GFPT1: variants seen among roughly 807,000 people sequenced by gnomAD.
GFPT1 encodes glutamine--fructose-6-phosphate transaminase 1.
In GFPT1, 40 loss-of-function variants were observed where a neutral mutation model predicts 92.0. The observed-to-expected ratio is 0.43, with a 90% confidence interval of 0.34 to 0.57. GFPT1 has a LOEUF of 0.57. Ranked by LOEUF, GFPT1 falls within the 20% of genes least tolerant of loss-of-function variation. The pLI, the probability that GFPT1 is intolerant of heterozygous loss-of-function variation, is 0.02. For synonymous variants in GFPT1, 269 were observed against 280.6 expected (o/e 0.96, Z 0.41); for missense variants, 448 against 869.1 (o/e 0.52, Z 6.09).
In GFPT1 at chr2:69,322,392, A is replaced by G. The variant is rs939398044; in HGVS notation, c.*3797T>C. 2 of 152,080 alleles carry G rather than the reference A, an allele frequency of 1.3e-5. No homozygotes were observed. Among genetic ancestry groups the G allele is most frequent in the Admixed American group, 1.3e-4 (2 of 15,274 alleles). 9.4% of individuals were successfully genotyped at this position (152,080 alleles called of 1,614,324 possible). ...GCTATGGTATATGCTAATTTTTTTA[A>G]AAGGGGAAAAAAAAACCCAGAGAAC... On this transcript the variant is annotated 3_prime_UTR_variant, in exon 20 of 20. Transcript: ENST00000357308.
intron 15 of GFPT1, among the ~76,000 whole-genome samples, chr2:69,330,983 A>T (rs1670649752): frequency 6.6e-6 from 1 of 152,222 alleles, no homozygotes; most frequent in African/African-American, 2.4e-5. Flanking sequence ...CTCAAAACGT[A>T]CTATAAATTT....
At chr2:69,380,351 A>G (rs1671979868) in intron 1 of GFPT1, among the ~76,000 whole-genome samples, 1 of 152,202 alleles carries the variant, frequency 6.6e-6, no homozygotes, top group East Asian at 1.9e-4. Context: ...CAAAAAAATA[A>G]AAAATGTAAA....
intron 14 of GFPT1, among the ~76,000 whole-genome samples, 172 bp downstream of exon 14, chr2:69,338,273 A>C (rs1223681754): frequency 6.6e-6 from 1 of 152,210 alleles, no homozygotes; most frequent in Non-Finnish European, 1.5e-5. Context: ...TGAACACAAA[A>C]GGTGTTCATT....
intron 9 of GFPT1, among the ~76,000 whole-genome samples, chr2:69,350,457 A>G (rs1472840295): frequency 1.3e-5 from 2 of 152,178 alleles, no homozygotes; most frequent in Non-Finnish European, 2.9e-5. Flanking sequence ...TTTTCCAGGT[A>G]AAAGACAAGT....
At chr2:69,332,783 GGT>G (rs1488944592) in intron 15 of GFPT1, among the ~76,000 whole-genome samples, 3 of 151,824 alleles carry the variant, frequency 2.0e-5, no homozygotes, top group African/African-American at 4.8e-5. Context: ...TATGCTGAGG[GGT>G]GTGTGTGTGC....
intron 9 of GFPT1, among the ~76,000 whole-genome samples, chr2:69,350,808 C>CA (rs1671187372): frequency 6.7e-6 from 1 of 150,032 alleles, no homozygotes; most frequent in Non-Finnish European, 1.5e-5. Context: ...GAGGCTTAGG[C>CA]AGGAGAATCA....
Position 69,387,083 on chromosome 2 carries a change from C to A in GFPT1, c.-12G>T. ...CCCTTACCACACATGATGCCGGAGA[C>A]ACGGCCCGCGAGGCCAGGGGCGAGT... On this transcript the variant is annotated 5_prime_UTR_variant, in exon 1 of 20. Transcript: ENST00000357308. 6.5e-7 allele frequency: 1 copy of A among 1,537,310 alleles called. No homozygotes were observed. The highest frequency in any genetic ancestry group is 2.4e-5 in the East Asian group (1 of 40,874).
intron 12 of GFPT1, among the ~76,000 whole-genome samples, chr2:69,342,636 T>A (rs1670980128): frequency 6.6e-6 from 1 of 152,124 alleles, no homozygotes; most frequent in African/African-American, 2.4e-5. Context: ...AACAATAGGG[T>A]GCAAGGAAAT....
Position 69,320,155 on chromosome 2 carries a change from A to G in GFPT1, c.*6034T>C, listed in dbSNP as rs2104584068. ...ACCTAAAAGGGAGCTACTGGCAGAAATAAAAACTAGTGATACTGATAACAT... is the reference window on the plus strand; with the variant it reads ...ACCTAAAAGGGAGCTACTGGCAGAAGTAAAAACTAGTGATACTGATAACAT... On this transcript the variant is annotated 3_prime_UTR_variant, in exon 20 of 20. Transcript: ENST00000357308. 6.6e-6 allele frequency: 1 copy of G among 152,386 alleles called. No homozygotes were observed. Among genetic ancestry groups the G allele is most frequent in the Middle Eastern group, 3.4e-3 (1 of 294 alleles). The allele number at this position is 152,386 out of a possible 1,614,324, so 9.4% of individuals were successfully genotyped here. A position where few individuals can be genotyped will look rare whatever the true frequency, so the allele number is the denominator to read the frequency against.
chr2:69,345,300 G>A (rs1358629781), intron 12 of GFPT1, among the ~76,000 whole-genome samples: 1 of 152,108 alleles, frequency 6.6e-6, no homozygotes, highest in East Asian at 1.9e-4. Flanking sequence ...CCTTAAAAAT[G>A]CAGGAGGGTA....
In GFPT1 at chr2:69,387,030, C is replaced by A. The variant is rs766985113; in HGVS notation, c.7+35G>T. The A allele has an allele frequency of 3.1e-5, 47 of 1,495,950 alleles. 1 individual carries two copies. The South Asian group carries it at 5.0e-4, about 16-fold the overall frequency. The allele number at this position is 1,495,950 out of a possible 1,614,324, so 92.7% of individuals were successfully genotyped here. ...GCACCCGCACCGCACCCCAGCGCCACCCGGCAACACGCCCCCCGCTCCCGG... is the reference window on the plus strand; with the variant it reads ...GCACCCGCACCGCACCCCAGCGCCAACCGGCAACACGCCCCCCGCTCCCGG... On this transcript the variant is annotated intron_variant, in intron 1 of 19. Transcript: ENST00000357308.
Position 69,329,328 on chromosome 2 carries a change from T to C in GFPT1, c.1694A>G (p.Tyr565Cys). The C allele has an allele frequency of 1.9e-6, 3 of 1,613,372 alleles. No homozygotes were observed. The highest frequency in any genetic ancestry group is 2.5e-6 in the Non-Finnish European group (3 of 1,179,298). Residue 565 changes from tyrosine (Y) to cysteine (C), a missense_variant, in exon 17 of 20, where the codon TAT (tyrosine) becomes TGT (cysteine). This residue lies in a region of GFPT1 where 73 missense variants were observed against 103.5 expected (regional missense o/e 0.71). Coordinates refer to ENST00000357308, the MANE Select transcript of GFPT1 (RefSeq NM_001244710.2). ...QKSVLIMGRG[Y>C]HYATCLEGAL... ...CCCTTCAAGACAAGTAGCATAATGA[T>C]AGCCTCGTCCCATTATCAGAACTGA...
chr2:69,327,144 G>A, intron 18 of GFPT1, 69 bp from the exon 19 acceptor site: 1 of 1,434,550 alleles, frequency 7.0e-7, no homozygotes, highest in South Asian at 1.2e-5. Flanking sequence ...GCTTACGAAT[G>A]TGCAAAAATT....
chr2:69,359,314 A>G lies in GFPT1; in HGVS notation c.362T>C (p.Ile121Thr), dbSNP rs753866967. 1.7e-5 allele frequency: 26 copies of G among 1,570,740 alleles called. No individual in the cohort carries two copies. The Admixed American group carries it at 3.0e-4, about 18-fold the overall frequency. Residue 121 changes from isoleucine to threonine, a missense_variant, in exon 5 of 20, where the codon ATT (isoleucine) becomes ACT (threonine). Around this residue, in one of 7 missense-constraint regions of GFPT1, gnomAD observed 118 missense variants for 192.9 expected, o/e 0.61. Coordinates refer to ENST00000357308, the MANE Select transcript of GFPT1 (RefSeq NM_001244710.2). ...GTAGTTGGTGATGATTCCATTGTGA[A>G]TAACGATAAATTCTAAAAGAGGTAA... Reference protein sequence around the residue: ...RSDKNNEFIVIHNGIITNYKD... With the variant: ...RSDKNNEFIVTHNGIITNYKD...
At chr2:69,334,969 T>C (rs1031857097) in intron 15 of GFPT1, among the ~76,000 whole-genome samples, 3 of 152,246 alleles carry the variant, frequency 2.0e-5, no homozygotes, top group African/African-American at 7.2e-5. Flanking sequence ...TATGCTATGG[T>C]AGAAGCTAGA....
intron 1 of GFPT1, among the ~76,000 whole-genome samples, chr2:69,375,658 C>A (rs1251870583): frequency 1.3e-5 from 2 of 152,174 alleles, no homozygotes; most frequent in Non-Finnish European, 2.9e-5. Flanking sequence ...ACACACCTTA[C>A]ATTTTTATTT....
chr2:69,328,522 G>T, intron 17 of GFPT1, 84 bp from the exon 18 acceptor site: 2 of 945,724 alleles, frequency 2.1e-6, no homozygotes, highest in Non-Finnish European at 3.4e-6. Flanking sequence ...CATCTGATAT[G>T]TCAAGCCACT....
chr2:69,372,521 C>T (rs547363393), intron 2 of GFPT1, among the ~76,000 whole-genome samples: 15 of 151,772 alleles, frequency 9.9e-5, no homozygotes, highest in African/African-American at 3.4e-4. Flanking sequence ...AACAGTCAGC[C>T]GAGATCGCAC....
intron 7 of GFPT1, 109 bp downstream of exon 7, chr2:69,356,387 T>C: frequency 1.2e-6 from 1 of 816,940 alleles, no homozygotes; most frequent in Non-Finnish European, 2.2e-6. Flanking sequence ...TGAATATATC[T>C]AATAAAGGGC....
Sources: gnomAD v4.1 joint callset for allele counts (sites outside exome capture counted in the v4.1 genomes callset) on GRCh38, gnomAD v4.1.1 for gene constraint, gnomAD v4.1.1 regional missense constraint, MANE v1.5 for transcripts, NCBI Gene and HGNC (gene_info 2026-07-23, HGNC 2026-07-21) for gene names.